The following CD200 variants were observed in gnomAD, a reference collection of about 807,000 sequenced individuals.
The protein encoded by CD200 is CD200 molecule.
In CD200, 15 loss-of-function variants were observed where a neutral mutation model predicts 30.9. The ratio of observed to expected loss-of-function variants is 0.49; its 90% confidence interval spans 0.32 to 0.75. The LOEUF (loss-of-function observed/expected upper bound fraction) is 0.75, where lower values mean the gene tolerates loss of function less well. CD200 is among the 30% of genes least tolerant of loss of function. CD200 has a pLI of 0.03. For missense variants in CD200, 262 were observed against 324.2 expected, an observed-to-expected ratio of 0.81 and a Z score of 1.47; for synonymous variants, 134 against 126.2, an observed-to-expected ratio of 1.06 and a Z score of -0.41.
At chr3:112,360,408 AGT>A (rs1451426942) in intron 5 of CD200, among the ~76,000 whole-genome samples, 1 of 152,064 alleles carries the variant, frequency 6.6e-6, no homozygotes, top group Non-Finnish European at 1.5e-5. Context: ...CCATCCAAGA[AGT>A]GTTCTTTACT....
intron 5 of CD200, among the ~76,000 whole-genome samples, chr3:112,359,122 T>C (rs2081687771): frequency 1.3e-5 from 2 of 152,170 alleles, no homozygotes; most frequent in South Asian, 2.1e-4. Flanking sequence ...AGCATGGCCT[T>C]TGAGGCGATG....
At chr3:112,342,322 T>C (rs892723469) in intron 2 of CD200, among the ~76,000 whole-genome samples, 7,280 of 22,790 alleles carry the variant, frequency 0.32, 1,822 homozygotes, top group Middle Eastern at 0.47. Flanking sequence ...TCTTTCTTTC[T>C]TTCTTTCTTT....
chr3:112,348,197 T>C (rs556234042), intron 4 of CD200, among the ~76,000 whole-genome samples: 172 of 152,286 alleles, frequency 1.1e-3, no homozygotes, highest in African/African-American at 3.8e-3. Flanking sequence ...GGAATAGAGA[T>C]AAATGGATGG....
chr3:112,357,854 A>G (rs1189324832), intron 5 of CD200, among the ~76,000 whole-genome samples: 1 of 152,272 alleles, frequency 6.6e-6, no homozygotes, highest in East Asian at 1.9e-4. Context: ...TCACAAAAAC[A>G]TCACCAAACT....
At chr3:112,335,808 T>A in intron 1 of CD200, 1 of 728,670 alleles carries the variant, frequency 1.4e-6, no homozygotes, top group Non-Finnish European at 2.5e-6. Context: ...TCTAACATGA[T>A]CTTGGGTCTT....
chr3:112,333,685 C>A, intron 1 of CD200: 6 of 985,398 alleles, frequency 6.1e-6, no homozygotes, highest in Non-Finnish European at 7.2e-6. Context: ...ATACAGATTT[C>A]CAGGCTCGCT....
Position 112,347,760 on chromosome 3 carries a change from G to C in CD200, c.624G>C (p.Val208=). The C allele has an allele frequency of 6.2e-7, 1 of 1,613,932 alleles. No homozygotes were observed. The highest frequency in any genetic ancestry group is 8.5e-7 in the Non-Finnish European group (1 of 1,179,912). The stretch of plus-strand genomic sequence containing the variant: ...ATATCAAAGACCCTAAGAATCAGGT[G>C]GGGAAGGAGGTGATCTGCCAGGTGC... The part of the protein sequence containing the change: ...ILHIKDPKNQ[V]GKEVICQVLH... Residue 208 remains valine (V), a synonymous_variant, in exon 4 of 6, where the codon GTG becomes GTC. Transcript: ENST00000315711.
chr3:112,353,448 C>T (rs1010379381), intron 5 of CD200, among the ~76,000 whole-genome samples: 1 of 152,034 alleles, frequency 6.6e-6, no homozygotes, highest in Non-Finnish European at 1.5e-5. Context: ...TGTTTTTCAT[C>T]TGCATGAGCT....
intron 1 of CD200, 42 bp downstream of exon 1, chr3:112,333,266 C>A (rs751502070): frequency 6.5e-7 from 1 of 1,540,196 alleles, no homozygotes; most frequent in Non-Finnish European, 8.8e-7. Flanking sequence ...GCAGGGCAGG[C>A]GATGTTGAGC....
At chr3:112,353,086 C>T (rs573699010) in intron 5 of CD200, among the ~76,000 whole-genome samples, 5 of 152,262 alleles carry the variant, frequency 3.3e-5, no homozygotes, top group East Asian at 1.9e-4. Flanking sequence ...TCCACCATCT[C>T]GAAATACTTC....
At chr3:112,361,352 T>C (rs1041829290) in intron 5 of CD200, among the ~76,000 whole-genome samples, 191 bp from the exon 6 acceptor site, 4 of 152,222 alleles carry the variant, frequency 2.6e-5, no homozygotes, top group Non-Finnish European at 5.9e-5. Context: ...AGCCTACTTT[T>C]GTTCTTGTAA....
intron 5 of CD200, among the ~76,000 whole-genome samples, chr3:112,359,113 G>A (rs148107884): frequency 7.9e-5 from 12 of 152,320 alleles, no homozygotes; most frequent in African/African-American, 2.9e-4. Context: ...TGTGAGTAAA[G>A]CATGGCCTTT....
intron 4 of CD200, among the ~76,000 whole-genome samples, chr3:112,348,387 G>A (rs762597401): frequency 7.2e-5 from 11 of 152,198 alleles, no homozygotes; most frequent in Non-Finnish European, 1.6e-4. Context: ...CCTATCTGAA[G>A]TGCTTTCGTC....
At chr3:112,334,136 CCTT>C in intron 1 of CD200, 1 of 985,304 alleles carries the variant, frequency 1.0e-6, no homozygotes, top group Non-Finnish European at 1.2e-6. Context: ...TTGTAACTAT[CCTT>C]CTAAAAATGA....
intron 3 of CD200, among the ~76,000 whole-genome samples, chr3:112,345,606 C>A (rs183888589): frequency 1.3e-5 from 2 of 152,272 alleles, no homozygotes; most frequent in East Asian, 3.9e-4. Context: ...AGCAATCATG[C>A]GACCCTAGAA....
upstream of CD200, chr3:112,333,075 A>T (rs1039677054): frequency 1.3e-5 from 17 of 1,292,054 alleles, no homozygotes; most frequent in Middle Eastern, 2.6e-4. Context: ...GGGAAAACGG[A>T]GTGGGAGAAG....
rs1287227133 is a variant in CD200, at chr3:112,347,747, C to G, written c.611C>G (p.Pro204Arg). 1.9e-6 allele frequency: 3 copies of G among 1,613,884 alleles called. No homozygotes were observed. Among genetic ancestry groups the G allele is most frequent in the South Asian group, 1.1e-5 (1 of 91,066 alleles). The change falls in exon 4 of 6, where the codon CCT becomes CGT. Residue 204 changes from proline (P) to arginine (R), a missense_variant. Pro to Arg is a moderately radical substitution (Grantham distance 103, BLOSUM62 -2). Transcript: ENST00000315711. The part of the protein sequence containing the change: ...SVTSILHIKD[P>R]KNQVGKEVIC... Reference sequence around the variant, plus strand: ...ACCAGCATCCTCCATATCAAAGACCCTAAGAATCAGGTGGGGAAGGAGGTG... The same window carrying G: ...ACCAGCATCCTCCATATCAAAGACCGTAAGAATCAGGTGGGGAAGGAGGTG...
At chr3:112,351,279 T>C (rs773568886) in intron 5 of CD200, among the ~76,000 whole-genome samples, 18 of 152,200 alleles carry the variant, frequency 1.2e-4, no homozygotes, top group Middle Eastern at 3.2e-3. Flanking sequence ...GCTATTGTTA[T>C]CAGTTGCATT....
chr3:112,333,919 G>A, intron 1 of CD200: 1 of 985,382 alleles, frequency 1.0e-6, no homozygotes, highest in Non-Finnish European at 1.2e-6. Context: ...AACGGAGAAG[G>A]TTTTCATATA....
Sources: gnomAD v4.1 joint callset for allele counts (sites outside exome capture counted in the v4.1 genomes callset) on GRCh38, gnomAD v4.1.1 for gene constraint, MANE v1.5 for transcripts, NCBI Gene and HGNC (gene_info 2026-07-23, HGNC 2026-07-21) for gene names.